Variants in NAV3 observed in about 807,000 individuals in gnomAD.
The protein encoded by NAV3 is neuron navigator 3.
A neutral mutation model predicts 244.7 loss-of-function variants in NAV3; 87 were observed. That is an observed-to-expected ratio of 0.36 (90% CI 0.30 to 0.42). The LOEUF is 0.42. Ranked by LOEUF, NAV3 falls within the 20% of genes least tolerant of loss-of-function variation. NAV3 has a pLI of 1.00. For missense variants in NAV3, 2,663 were observed against 2,893.3 expected (o/e 0.92, Z 1.83); for synonymous variants, 1,126 against 1,042.2 (o/e 1.08, Z -1.55).
intron 1 of NAV3, among the ~76,000 whole-genome samples, chr12:77,906,225 C>A (rs544167525): frequency 1.3e-5 from 2 of 152,116 alleles, no homozygotes; most frequent in Admixed American, 6.6e-5. Flanking sequence ...TAAACACAGA[C>A]AGACAGACAC....
At chr12:77,737,621 T>C (rs1297874664) in intron 2 of NAV3, among the ~76,000 whole-genome samples, 1 of 152,062 alleles carries the variant, frequency 6.6e-6, no homozygotes, top group Non-Finnish European at 1.5e-5. Context: ...AGACCAAACC[T>C]GATAATGTAA....
At chr12:78,166,403 A>G (rs1192699074) in intron 23 of NAV3, among the ~76,000 whole-genome samples, 1 of 148,898 alleles carries the variant, frequency 6.7e-6, no homozygotes. Flanking sequence ...TATGTCAATC[A>G]ATGTAGAATT....
At chr12:77,624,012 G>C (rs56914939) in intron 2 of NAV3, among the ~76,000 whole-genome samples, 2,664 of 152,168 alleles carry the variant, frequency 0.018, 118 homozygotes, top group East Asian at 0.17. Context: ...TAGGAATCAG[G>C]CATACAATAA....
intron 2 of NAV3, among the ~76,000 whole-genome samples, chr12:77,658,132 A>C (rs1246021782): frequency 1.3e-5 from 2 of 152,192 alleles, no homozygotes; most frequent in East Asian, 3.9e-4. Context: ...AGAAAGAAAT[A>C]AAGGGTATTC....
chr12:78,092,829 C>T (rs1034166678), intron 12 of NAV3, among the ~76,000 whole-genome samples: 18 of 152,182 alleles, frequency 1.2e-4, no homozygotes, highest in African/African-American at 1.7e-4. Flanking sequence ...GTGTTTCATC[C>T]ATATTCGCTT....
intron 20 of NAV3, among the ~76,000 whole-genome samples, chr12:78,143,617 A>G (rs2694674): frequency 0.35 from 47,457 of 136,126 alleles, 8,366 homozygotes; most frequent in East Asian, 0.47. Flanking sequence ...AAAGCCAAAC[A>G]CTGTCTCAGA....
At chr12:77,659,493 C>T (rs968713759) in intron 2 of NAV3, among the ~76,000 whole-genome samples, 3 of 152,142 alleles carry the variant, frequency 2.0e-5, no homozygotes, top group African/African-American at 7.2e-5. Context: ...GAAATAGGAA[C>T]ACTTTTACAC....
At chr12:78,188,486 A>T (rs1958826404) in intron 32 of NAV3, 123 bp from the exon 33 acceptor site, 4 of 1,168,272 alleles carry the variant, frequency 3.4e-6, no homozygotes, top group South Asian at 1.5e-5. Context: ...TGATATTAAC[A>T]GTTCTTATAT....
chr12:77,978,050 T>C (rs1011047742), intron 5 of NAV3, among the ~76,000 whole-genome samples: 5 of 152,186 alleles, frequency 3.3e-5, no homozygotes, highest in African/African-American at 9.6e-5. Context: ...AAATTCTTAG[T>C]TTTACTTTTC....
intron 12 of NAV3, among the ~76,000 whole-genome samples, chr12:78,102,294 C>A (rs190325399): frequency 2.6e-5 from 4 of 152,334 alleles, no homozygotes; most frequent in African/African-American, 7.2e-5. Flanking sequence ...CGAAATCCAT[C>A]TGGGCAGTCA....
chr12:77,971,355 G>T (rs765125773), intron 5 of NAV3, among the ~76,000 whole-genome samples: 19 of 152,016 alleles, frequency 1.2e-4, no homozygotes, highest in Non-Finnish European at 2.5e-4. Flanking sequence ...TTTAATAAAA[G>T]TAGTATTCAG....
At chr12:77,719,109 A>G (rs2137285339) in intron 2 of NAV3, among the ~76,000 whole-genome samples, 1 of 152,014 alleles carries the variant, frequency 6.6e-6, no homozygotes, top group South Asian at 2.1e-4. Context: ...CTTAGTTTCC[A>G]TTTTGGATTG....
intron 1 of NAV3, among the ~76,000 whole-genome samples, chr12:77,843,415 GTGTGTT>G (rs1407607135): frequency 5.9e-5 from 9 of 151,808 alleles, no homozygotes; most frequent in Non-Finnish European, 1.2e-4. Context: ...GTGTGTGTGT[GTGTGTT>G]TGTGTGTGTA....
intron 10 of NAV3, 61 bp from the exon 11 acceptor site, chr12:78,050,703 C>T (rs2137241249): frequency 6.7e-7 from 1 of 1,502,742 alleles, no homozygotes; most frequent in African/African-American, 1.4e-5. Context: ...TGTCTTCATG[C>T]ATTCTAGATT....
intron 24 of NAV3, among the ~76,000 whole-genome samples, chr12:78,171,431 T>C (rs527861655): frequency 1.3e-5 from 2 of 151,756 alleles, no homozygotes; most frequent in East Asian, 3.9e-4. Flanking sequence ...TTGGAATTCT[T>C]TTGCTCAGAA....
rs758273257 is a variant in NAV3 at position 78,176,471 on chromosome 12, C to T, written c.5124+12C>T. 15 of 1,612,316 alleles carry T rather than the reference C, an allele frequency of 9.3e-6. No homozygotes were observed. Among genetic ancestry groups the T allele is most frequent in the East Asian group, 4.5e-5 (2 of 44,614 alleles). ...CTAGAGGAAGTGAGGTGAATATAAA[C>T]CGTGGACAATTTGGCATGCATCTAT... On this transcript the variant is annotated intron_variant, in intron 26 of 39. Coordinates refer to ENST00000397909, the MANE Select transcript of NAV3 (RefSeq NM_001024383.2).
intron 2 of NAV3, among the ~76,000 whole-genome samples, chr12:77,710,335 G>T (rs548571403): frequency 6.6e-6 from 1 of 152,232 alleles, no homozygotes; most frequent in South Asian, 2.1e-4. Context: ...GAGTTTTCCT[G>T]GACTTGACTC....
intron 9 of NAV3, among the ~76,000 whole-genome samples, chr12:78,032,946 AAC>A (rs1879247138): frequency 6.6e-6 from 1 of 152,158 alleles, no homozygotes; most frequent in Non-Finnish European, 1.5e-5. Context: ...ACCAACATGT[AAC>A]ACATTTGTTT....
intron 37 of NAV3, among the ~76,000 whole-genome samples, chr12:78,199,885 G>C (rs1959457386): frequency 6.6e-6 from 1 of 152,122 alleles, no homozygotes; most frequent in Non-Finnish European, 1.5e-5. Context: ...TGTGAGGAAA[G>C]ATGTTAGTTA....
Sources: gnomAD v4.1 joint callset for allele counts (sites outside exome capture counted in the v4.1 genomes callset) on GRCh38, gnomAD v4.1.1 for gene constraint, MANE v1.5 for transcripts, NCBI Gene and HGNC (gene_info 2026-07-23, HGNC 2026-07-21) for gene names.